PCDHGB5: variants seen among roughly 807,000 people sequenced by gnomAD.
PCDHGB5 encodes protocadherin gamma subfamily B, 5.
A neutral mutation model predicts 62.9 loss-of-function variants in PCDHGB5; 48 were observed. The observed-to-expected ratio is 0.76, with a 90% CI of 0.61 to 0.97. PCDHGB5 has a LOEUF of 0.97. Among genes scored for constraint, PCDHGB5 ranks in the 50% least tolerant of loss-of-function variants. PCDHGB5 has a pLI of 0.00. For synonymous variants in PCDHGB5, 474 were observed against 511.2 expected, an observed-to-expected ratio of 0.93 and a Z score of 0.98; for missense variants, 1,118 against 1,198.6, an observed-to-expected ratio of 0.93 and a Z score of 0.99.
chr5:141,415,752 T>G lies in PCDHGB5; in HGVS notation c.2397+15228T>G, dbSNP rs981275270. ...GATGTTTATTAAGGTTTTTTTTTTT[T>G]TTTTTTTTTTTTTTTTTTTTACTTT... On this transcript the variant is annotated intron_variant, in intron 1 of 3. Transcript: ENST00000617380. 5.6e-5 allele frequency: 77 copies of G among 1,372,446 alleles called. No individual in the cohort carries two copies. In the East Asian group the frequency reaches 6.8e-4, roughly 12 times the overall value. 85.0% of individuals were successfully genotyped at this position (1,372,446 alleles called of 1,614,324 possible).
intron 1 of PCDHGB5, chr5:141,414,202 G>A: frequency 6.2e-7 from 1 of 1,611,912 alleles, no homozygotes; most frequent in Non-Finnish European, 8.5e-7. Flanking sequence ...TACAGTAGAA[G>A]ATGTAAATGA....
chr5:141,480,827 A>G (rs1455065731), intron 1 of PCDHGB5, among the ~76,000 whole-genome samples: 2 of 152,212 alleles, frequency 1.3e-5, no homozygotes, highest in Admixed American at 6.5e-5. Context: ...TGGGTGGATC[A>G]TAAGATCAGG....
chr5:141,423,897 T>G, intron 1 of PCDHGB5: 7 of 1,278,866 alleles, frequency 5.5e-6, no homozygotes, highest in Non-Finnish European at 6.9e-6. Flanking sequence ...TTTCTTTTGA[T>G]TTCAAAGGGG....
At chr5:141,450,293 G>A (rs879439714) in intron 1 of PCDHGB5, among the ~76,000 whole-genome samples, 6 of 151,746 alleles carry the variant, frequency 4.0e-5, no homozygotes, top group Non-Finnish European at 7.4e-5. Flanking sequence ...GATTACAGGC[G>A]TGAGCCACCA....
At chr5:141,467,736 G>T (rs1435480730) in intron 1 of PCDHGB5, among the ~76,000 whole-genome samples, 1 of 151,902 alleles carries the variant, frequency 6.6e-6, no homozygotes, top group Admixed American at 6.6e-5. Context: ...ATCCCAGCTC[G>T]CTGCAACCTC....
intron 1 of PCDHGB5, chr5:141,418,465 A>G (rs2096261082): frequency 6.2e-7 from 1 of 1,614,022 alleles, no homozygotes; most frequent in Non-Finnish European, 8.5e-7. Context: ...CTCTGGACCG[A>G]GAAACGCAGA....
intron 2 of PCDHGB5, among the ~76,000 whole-genome samples, chr5:141,498,956 A>G (rs547381859): frequency 2.4e-5 from 3 of 124,058 alleles, no homozygotes; most frequent in African/African-American, 6.3e-5. Context: ...AAAAAGAGAG[A>G]GAGGGAGGGA....
At chr5:141,410,335 T>C (rs2095381391) in intron 1 of PCDHGB5, 1 of 1,613,894 alleles carries the variant, frequency 6.2e-7, no homozygotes, top group African/African-American at 1.3e-5. Context: ...TTCTGGCCAT[T>C]GCCTTGCGCC....
chr5:141,402,223 T>C (rs1329025694), intron 1 of PCDHGB5, among the ~76,000 whole-genome samples: 1 of 152,054 alleles, frequency 6.6e-6, no homozygotes, highest in Non-Finnish European at 1.5e-5. Context: ...AAATAAACGT[T>C]TTTCCAGGAA....
chr5:141,405,328 C>T (rs4912606), intron 1 of PCDHGB5: 66,412 of 1,613,986 alleles, frequency 0.041, 1,736 homozygotes, highest in Non-Finnish European at 0.046. Flanking sequence ...AGCCTTTGTG[C>T]GTCTCTGTTG....
chr5:141,443,443 G>A (rs2098388456), intron 1 of PCDHGB5, among the ~76,000 whole-genome samples: 1 of 152,124 alleles, frequency 6.6e-6, no homozygotes, highest in African/African-American at 2.4e-5. Flanking sequence ...CTGTGGTTGC[G>A]CTCCTGTACT....
chr5:141,422,513 G>T, intron 1 of PCDHGB5: 2 of 1,614,000 alleles, frequency 1.2e-6, no homozygotes, highest in Non-Finnish European at 1.7e-6. Context: ...ACAGACCAGG[G>T]AAGCCCGCCT....
chr5:141,410,699 A>G (rs760193148), intron 1 of PCDHGB5: 1 of 1,478,344 alleles, frequency 6.8e-7, no homozygotes, highest in East Asian at 2.3e-5. Flanking sequence ...CTTTATTTTC[A>G]TATCTAGAAT....
Position 141,399,347 on chromosome 5 carries a change from A to G in PCDHGB5, c.1220A>G (p.Asp407Gly). The stretch of plus-strand genomic sequence containing the variant: ...AAGTTGGTAACAGATGGAACCCTAG[A>G]CCGAGAGCAAACCCCGGAGTACAAT... ...SYKLVTDGTLDREQTPEYNVT... is the reference protein window; with the variant it reads ...SYKLVTDGTLGREQTPEYNVT... Residue 407 changes from aspartate to glycine, a missense_variant, in exon 1 of 4, where the codon GAC (aspartate) becomes GGC (glycine). This residue lies in a region of PCDHGB5 where 1,034 missense variants were observed against 1,029.1 expected (regional missense o/e 1.00). Transcript: ENST00000617380. The G allele has an allele frequency of 6.2e-7, 1 of 1,613,926 alleles. No homozygotes were observed.
chr5:141,500,871 T>C (rs2154592764), intron 2 of PCDHGB5, among the ~76,000 whole-genome samples: 1 of 135,840 alleles, frequency 7.4e-6, no homozygotes, highest in African/African-American at 3.0e-5. Context: ...TACACATTCA[T>C]TTACAATTTT....
intron 1 of PCDHGB5, among the ~76,000 whole-genome samples, chr5:141,474,163 T>A (rs958292802): frequency 2.0e-5 from 3 of 152,178 alleles, no homozygotes; most frequent in Non-Finnish European, 2.9e-5. Flanking sequence ...ATGACAGGCC[T>A]TATTATTGAG....
At chr5:141,409,680 C>G (rs756713114) in intron 1 of PCDHGB5, 1 of 1,613,360 alleles carries the variant, frequency 6.2e-7, no homozygotes, top group Non-Finnish European at 8.5e-7. Context: ...TCTATAGTGG[C>G]GAGTGACCTA....
intron 3 of PCDHGB5, among the ~76,000 whole-genome samples, chr5:141,506,444 CA>C (rs1219684339): frequency 0.54 from 51,660 of 95,006 alleles, 10,715 homozygotes; most frequent in African/African-American, 0.61. Context: ...CGCTCTGTCT[CA>C]AAAAAAAAAA....
At chr5:141,410,662 C>T (rs770245568) in intron 1 of PCDHGB5, 1 of 1,572,090 alleles carries the variant, frequency 6.4e-7, no homozygotes, top group Admixed American at 1.9e-5. Context: ...TAATAGTCTA[C>T]TAGTTTCTCA....
Sources: allele counts gnomAD v4.1 joint callset (sites outside exome capture counted in the v4.1 genomes callset), GRCh38; gene constraint gnomAD v4.1.1; regional missense constraint gnomAD v4.1.1; transcripts MANE v1.5; gene names NCBI Gene and HGNC (gene_info 2026-07-23, HGNC 2026-07-21).